DEUP1: variants seen among roughly 807,000 people sequenced by gnomAD.
DEUP1 encodes the protein deuterosome assembly protein 1.
DEUP1 carries 82 observed loss-of-function variants against 87.4 expected under a neutral mutation model. The ratio of observed to expected loss-of-function variants is 0.94; its 90% CI spans 0.78 to 1.13. The LOEUF (loss-of-function observed/expected upper bound fraction) is 1.13. Among genes scored for constraint, DEUP1 ranks in the 50% most tolerant of loss-of-function variants. The probability of loss-of-function intolerance (pLI) is 0.00; values close to 1 mark genes in which losing one functional copy is unlikely to be tolerated. For synonymous variants in DEUP1, 214 were observed against 222.7 expected, an observed-to-expected ratio of 0.96 and a Z score of 0.35; for missense variants, 663 against 681.5, an observed-to-expected ratio of 0.97 and a Z score of 0.30.
chr11:93,392,963 TCCTCTTCCTCCTCCTCCGAGC>T lies in DEUP1; in HGVS notation c.1042-1491_1042-1471del, dbSNP rs1278371924. Among the ~76,000 whole-genome samples, 3 of 126,568 alleles carry T rather than the reference TCCTCTTCCTCCTCCTCCGAGC, an allele frequency of 2.4e-5. No individual in the cohort carries two copies. In the East Asian group the frequency reaches 7.6e-4, roughly 32 times the overall value. 83.0% of individuals were successfully genotyped at this position (126,568 alleles called of 152,430 possible). Reference sequence around the variant, plus strand: ...TCCTCCTCCTCCCTCCTCTTCCTCCTCCTCTTCCTCCTCCTCCGAGCCCTCCTCCTCCTCCTTCTTTCTCCT... The same window carrying T: ...TCCTCCTCCTCCCTCCTCTTCCTCCTCCTCCTCCTCCTCCTTCTTTCTCCT... On this transcript the variant is annotated intron_variant, in intron 9 of 13. Transcript: ENST00000298050.
chr11:93,408,244 C>A lies in DEUP1; in HGVS notation c.1340C>A (p.Thr447Asn). The A allele has an allele frequency of 6.4e-7, 1 of 1,572,140 alleles. No individual in the cohort carries two copies. The highest frequency in any genetic ancestry group is 1.2e-5 in the South Asian group (1 of 84,622). The change falls in exon 12 of 14, where the codon ACT becomes AAT. Residue 447 changes from threonine (T) to asparagine (N), a missense_variant. Physicochemically the swap from Thr to Asn is moderately conservative, Grantham distance 65. Transcript: ENST00000298050. Reference protein sequence around the residue: ...DPGEYMSMDFTNREQSRHTSI... With the variant: ...DPGEYMSMDFNNREQSRHTSI... ...TTTATTCTCTAGAGTATGGACTTCA[C>A]TAACAGGGAACAGTCAAGGCATACA...
intron 9 of DEUP1, among the ~76,000 whole-genome samples, chr11:93,394,029 G>A (rs1946858365): frequency 6.6e-6 from 1 of 152,148 alleles, no homozygotes; most frequent in South Asian, 2.1e-4. Flanking sequence ...GCCTATTTTA[G>A]TTTTAAAAAA....
chr11:93,437,801 A>G lies in DEUP1; in HGVS notation c.*82A>G. The G allele has an allele frequency of 2.7e-6, 2 of 747,828 alleles. No homozygotes were observed. The highest frequency in any genetic ancestry group is 2.3e-6 in the Non-Finnish European group (1 of 443,596). 46.3% of individuals were successfully genotyped at this position (747,828 alleles called of 1,614,324 possible). ...TGGCAAAATATTTACAAAGCTGATT[A>G]ATGAAACCAAGAAATTCTGTTCTGT... On this transcript the variant is annotated 3_prime_UTR_variant, in exon 14 of 14. Coordinates refer to ENST00000298050, the MANE Select transcript of DEUP1 (RefSeq NM_181645.4).
Position 93,385,415 on chromosome 11 carries a change from C to T in DEUP1, c.807C>T (p.Leu269=). The change falls in exon 8 of 14, where the codon CTC becomes CTT. Residue 269 remains leucine (L), a synonymous_variant. Transcript: ENST00000298050. ...QRQCQAMEAG[L]SEVKSELQSR... ...TTATTCAGGCCATGGAAGCAGGTCT[C>T]TCAGAGGTAAAAAGTGAGTTACAGT... The T allele has an allele frequency of 6.2e-7, 1 of 1,613,100 alleles. No individual in the cohort carries two copies. Among genetic ancestry groups the T allele is most frequent in the Non-Finnish European group, 8.5e-7 (1 of 1,179,698 alleles).
intron 12 of DEUP1, among the ~76,000 whole-genome samples, chr11:93,410,754 T>G (rs1361205347): frequency 3.3e-5 from 5 of 152,206 alleles, no homozygotes; most frequent in Non-Finnish European, 7.3e-5. Flanking sequence ...GTATTTTTAT[T>G]GTTTGGGTTG....
chr11:93,356,243 A>G (rs1395444848), intron 3 of DEUP1, among the ~76,000 whole-genome samples: 8 of 151,488 alleles, frequency 5.3e-5, no homozygotes, highest in Admixed American at 2.0e-4. Flanking sequence ...TTGTTCATCA[A>G]CCATTTTTCT....
At chr11:93,373,501 T>G (rs867475029) in intron 7 of DEUP1, among the ~76,000 whole-genome samples, 15 of 151,384 alleles carry the variant, frequency 9.9e-5, no homozygotes, top group Middle Eastern at 3.5e-3. Flanking sequence ...CTTAGAATAA[T>G]GGTCTTTAAT....
In DEUP1 at chr11:93,373,637, A is replaced by G. The variant is rs1436198344; in HGVS notation, c.789+2357A>G. Among the ~76,000 whole-genome samples, 430 of 147,052 alleles carry G rather than the reference A, an allele frequency of 2.9e-3. 3 individuals carry two copies. Among genetic ancestry groups the G allele is most frequent in the African/African-American group, 9.6e-3 (388 of 40,294 alleles). ...TGTATATATATACGTATATATATAT[A>G]TATATATATATATACGTATATATAT... On this transcript the variant is annotated intron_variant, in intron 7 of 13. Coordinates refer to ENST00000298050, the MANE Select transcript of DEUP1 (RefSeq NM_181645.4).
At chr11:93,335,392 A>T (rs1399840213) in intron 2 of DEUP1, among the ~76,000 whole-genome samples, 1 of 152,348 alleles carries the variant, frequency 6.6e-6, no homozygotes, top group East Asian at 1.9e-4. Flanking sequence ...AGGCTAAAAA[A>T]GTTATATAAT....
At chr11:93,339,861 GT>G (rs1403671984) in intron 2 of DEUP1, among the ~76,000 whole-genome samples, 1 of 152,186 alleles carries the variant, frequency 6.6e-6, no homozygotes, top group Non-Finnish European at 1.5e-5. Flanking sequence ...CTCCCTCCAA[GT>G]GGCAACAGAG....
At chr11:93,409,139 G>C (rs1006912689) in intron 12 of DEUP1, among the ~76,000 whole-genome samples, 2 of 152,160 alleles carry the variant, frequency 1.3e-5, no homozygotes, top group Non-Finnish European at 2.9e-5. Context: ...TTACAGGCGT[G>C]AGCCACCACA....
chr11:93,370,210 T>A, intron 6 of DEUP1, 24 bp downstream of exon 6: 2 of 1,198,900 alleles, frequency 1.7e-6, no homozygotes, highest in Non-Finnish European at 2.4e-6. Context: ...TACTATTCTC[T>A]AAATCAAAAG....
chr11:93,414,841 C>T (rs1385824527), intron 12 of DEUP1, among the ~76,000 whole-genome samples, 159 bp from the exon 13 acceptor site: 3 of 152,144 alleles, frequency 2.0e-5, no homozygotes, highest in African/African-American at 4.8e-5. Context: ...AGAAATTATT[C>T]ATCAGGAAAG....
intron 7 of DEUP1, among the ~76,000 whole-genome samples, chr11:93,381,479 A>G (rs554010537): frequency 3.9e-5 from 6 of 152,232 alleles, no homozygotes; most frequent in Middle Eastern, 3.4e-3. Context: ...ATGCATCTCA[A>G]TTTTCACATG....
chr11:93,437,747 C>CT lies in DEUP1; in HGVS notation c.*28_*29insT. On this transcript the variant is annotated 3_prime_UTR_variant, in exon 14 of 14. Coordinates refer to ENST00000298050, the MANE Select transcript of DEUP1 (RefSeq NM_181645.4). ...TTTTAAACTTTTTTATTTGCTTCCCCCCCCCACCCCCGCCAAGAAAAAAAG... is the reference window on the plus strand; with the variant it reads ...TTTTAAACTTTTTTATTTGCTTCCCCTCCCCCACCCCCGCCAAGAAAAAAAG... 9.5e-7 allele frequency: 1 copy of CT among 1,052,652 alleles called. No homozygotes were observed. Among genetic ancestry groups the CT allele is most frequent in the Non-Finnish European group, 1.4e-6 (1 of 736,954 alleles). The allele number at this position is 1,052,652 out of a possible 1,614,324, so 65.2% of individuals were successfully genotyped here. A position where few individuals can be genotyped will look rare whatever the true frequency, so the allele number is the denominator to read the frequency against.
intron 4 of DEUP1, among the ~76,000 whole-genome samples, chr11:93,363,604 C>T (rs895688495): frequency 6.6e-6 from 1 of 151,546 alleles, no homozygotes; most frequent in South Asian, 2.1e-4. Context: ...GAAGGTAGAA[C>T]AGGAAATGGA....
intron 9 of DEUP1, among the ~76,000 whole-genome samples, chr11:93,393,679 G>A (rs558348523): frequency 6.6e-6 from 1 of 151,784 alleles, no homozygotes; most frequent in African/African-American, 2.4e-5. Flanking sequence ...TTTTTTAGAC[G>A]GATGATTATG....
At chr11:93,412,797 T>TA (rs1470932447) in intron 12 of DEUP1, among the ~76,000 whole-genome samples, 1 of 152,194 alleles carries the variant, frequency 6.6e-6, no homozygotes, top group Non-Finnish European at 1.5e-5. Flanking sequence ...GCAAATGTTA[T>TA]AATTCTACTT....
At chr11:93,382,363 T>C (rs1946340190) in intron 7 of DEUP1, among the ~76,000 whole-genome samples, 1 of 152,212 alleles carries the variant, frequency 6.6e-6, no homozygotes, top group African/African-American at 2.4e-5. Context: ...ATACTTTGCA[T>C]ATTCATTCAC....
Sources: gnomAD v4.1 joint callset for allele counts (sites outside exome capture counted in the v4.1 genomes callset) on GRCh38, gnomAD v4.1.1 for gene constraint, MANE v1.5 for transcripts, NCBI Gene and HGNC (gene_info 2026-07-23, HGNC 2026-07-21) for gene names.